MDFIC: variants seen among roughly 807,000 people sequenced by gnomAD.
The protein encoded by MDFIC is myoD family inhibitor domain-containing protein.
In MDFIC, 17 loss-of-function variants were observed where a neutral mutation model predicts 23.2. The observed-to-expected ratio is 0.73, with a 90% CI of 0.50 to 1.10. MDFIC has a LOEUF of 1.10. Ranked by LOEUF, MDFIC falls within the 50% of genes least tolerant of loss-of-function variation. The probability of loss-of-function intolerance (pLI) is 0.00; values close to 1 mark genes in which losing one functional copy is unlikely to be tolerated. For missense variants in MDFIC, 356 were observed against 316.6 expected, an observed-to-expected ratio of 1.12 and a Z score of -0.95; for synonymous variants, 120 against 115.2, an observed-to-expected ratio of 1.04 and a Z score of -0.27.
At chr7:115,003,742 A>C (rs1420497483) in intron 4 of MDFIC, among the ~76,000 whole-genome samples, 5 of 152,134 alleles carry the variant, frequency 3.3e-5, no homozygotes, top group Non-Finnish European at 7.3e-5. Flanking sequence ...TGGCTGGAAC[A>C]ATCTTTGCTT....
chr7:114,951,268 C>T (rs1350766527), intron 3 of MDFIC, among the ~76,000 whole-genome samples: 4 of 151,956 alleles, frequency 2.6e-5, no homozygotes, highest in Non-Finnish European at 5.9e-5. Context: ...GCTGCTTTGG[C>T]CTAAGGTCAG....
At chr7:114,947,835 T>C (rs534151767) in intron 3 of MDFIC, among the ~76,000 whole-genome samples, 1 of 152,344 alleles carries the variant, frequency 6.6e-6, no homozygotes, top group African/African-American at 2.4e-5. Flanking sequence ...TACAAGAAAA[T>C]GCATATTGTA....
At chr7:114,998,621 A>G (rs943305475) in intron 4 of MDFIC, among the ~76,000 whole-genome samples, 3 of 152,168 alleles carry the variant, frequency 2.0e-5, no homozygotes, top group Non-Finnish European at 4.4e-5. Flanking sequence ...AGTACTTCTT[A>G]TAATACTATA....
intron 2 of MDFIC, among the ~76,000 whole-genome samples, chr7:114,939,089 G>A (rs1402961873): frequency 1.3e-5 from 2 of 149,222 alleles, no homozygotes; most frequent in African/African-American, 2.6e-5. Flanking sequence ...AGTGTTATAT[G>A]TAACTGCCCA....
chr7:114,983,127 G>A (rs760531191), intron 4 of MDFIC, among the ~76,000 whole-genome samples: 4 of 152,086 alleles, frequency 2.6e-5, no homozygotes, highest in Non-Finnish European at 5.9e-5. Flanking sequence ...TCACATTTTT[G>A]TTAAATCATC....
chr7:114,968,023 C>T (rs912763013), intron 3 of MDFIC, among the ~76,000 whole-genome samples: 2 of 151,972 alleles, frequency 1.3e-5, no homozygotes, highest in Non-Finnish European at 2.9e-5. Context: ...CACTATGTTG[C>T]CCAGGCTGGT....
chr7:114,960,512 G>T (rs907127015), intron 3 of MDFIC, among the ~76,000 whole-genome samples: 1 of 151,770 alleles, frequency 6.6e-6, no homozygotes, highest in Admixed American at 6.6e-5. Context: ...ATATCAAAAG[G>T]GATTTCTACA....
intron 2 of MDFIC, among the ~76,000 whole-genome samples, chr7:114,941,679 A>G (rs1020421211): frequency 2.0e-5 from 3 of 152,108 alleles, no homozygotes; most frequent in Non-Finnish European, 4.4e-5. Context: ...CAAAGACTTT[A>G]CATTTCCTTA....
intron 4 of MDFIC, among the ~76,000 whole-genome samples, chr7:115,012,603 TA>T (rs1791702520): frequency 6.6e-6 from 1 of 152,110 alleles, no homozygotes; most frequent in African/African-American, 2.4e-5. Context: ...GAGACTTGGA[TA>T]AGATTGTTTC....
In MDFIC at chr7:115,019,632, CT is replaced by C. The variant is rs1357591638; in HGVS notation, c.*3700del. On this transcript the variant is annotated 3_prime_UTR_variant, in exon 5 of 5. Coordinates refer to ENST00000393486, the MANE Select transcript of MDFIC (RefSeq NM_001166345.3). ...GATTATTTTTCAAATTATTTAAGAC[CT>C]TTATGCCCCTTCCAATTACTTGTGA... Among the ~76,000 whole-genome samples the C allele has an allele frequency of 6.6e-6, 1 of 152,048 alleles. No individual in the cohort carries two copies. Among genetic ancestry groups the C allele is most frequent in the African/African-American group, 2.4e-5 (1 of 41,434 alleles).
chr7:114,983,623 G>C (rs933223202), intron 4 of MDFIC, among the ~76,000 whole-genome samples: 17 of 143,230 alleles, frequency 1.2e-4, no homozygotes, highest in African/African-American at 4.2e-4. Context: ...GCTGGAGTGC[G>C]ATGGTGCGAT....
chr7:114,923,354 C>T (rs1792129643), intron 2 of MDFIC: 2 of 1,285,126 alleles, frequency 1.6e-6, no homozygotes. Flanking sequence ...ACTCCCCCTT[C>T]CTTTGGTTGC....
intron 4 of MDFIC, among the ~76,000 whole-genome samples, chr7:114,989,148 T>C (rs1793560915): frequency 6.6e-6 from 1 of 151,886 alleles, no homozygotes; most frequent in South Asian, 2.1e-4. Flanking sequence ...ACAAGAAATG[T>C]GAGGGGGAGA....
chr7:114,978,523 G>A (rs1793357641), intron 3 of MDFIC, among the ~76,000 whole-genome samples: 1 of 151,564 alleles, frequency 6.6e-6, no homozygotes, highest in Non-Finnish European at 1.5e-5. Context: ...TTGTTGGCTT[G>A]TTCTTTCTTT....
chr7:114,979,146 A>G (rs543671652), intron 3 of MDFIC, among the ~76,000 whole-genome samples: 5 of 152,276 alleles, frequency 3.3e-5, no homozygotes, highest in African/African-American at 1.2e-4. Flanking sequence ...TGTTGTGTCT[A>G]TGCACAAAGA....
At position 115,015,990 on chromosome 7, in the gene MDFIC, G is replaced by A. The variant is rs1019449907; in HGVS notation, c.*55G>A. On this transcript the variant is annotated 3_prime_UTR_variant, in exon 5 of 5. Coordinates refer to ENST00000393486, the MANE Select transcript of MDFIC (RefSeq NM_001166345.3). ...GAGAGTGTTTAAAAATTTCCTTTTG[G>A]GGGGAAGAAAAGCACATTGTAAGAT... is the stretch of plus-strand genomic sequence containing the variant. 29 of 1,539,688 alleles carry A rather than the reference G, an allele frequency of 1.9e-5. No individual in the cohort carries two copies. Among genetic ancestry groups the A allele is most frequent in the Admixed American group, 3.7e-5 (2 of 54,454 alleles).
At chr7:114,947,541 G>A (rs560666609) in intron 3 of MDFIC, among the ~76,000 whole-genome samples, 19 of 152,242 alleles carry the variant, frequency 1.2e-4, no homozygotes, top group African/African-American at 4.6e-4. Flanking sequence ...TTCTAGCATG[G>A]AGGTCAAGTT....
chr7:114,983,075 A>C (rs968856764), intron 4 of MDFIC, among the ~76,000 whole-genome samples: 4 of 152,242 alleles, frequency 2.6e-5, no homozygotes, highest in Non-Finnish European at 4.4e-5. Context: ...TGACATTCAA[A>C]CCATAGTACA....
chr7:114,934,136 A>G (rs1465799240), intron 2 of MDFIC, among the ~76,000 whole-genome samples: 1 of 152,192 alleles, frequency 6.6e-6, no homozygotes, highest in Non-Finnish European at 1.5e-5. Flanking sequence ...GTATGAACAT[A>G]TTGTTTGGCT....
Sources: allele counts gnomAD v4.1 joint callset (sites outside exome capture counted in the v4.1 genomes callset), GRCh38; gene constraint gnomAD v4.1.1; transcripts MANE v1.5; gene names NCBI Gene and HGNC (gene_info 2026-07-23, HGNC 2026-07-21).